The following RAPGEF1 variants were observed in gnomAD, a reference collection of about 807,000 sequenced individuals.
RAPGEF1 encodes Rap guanine nucleotide exchange factor 1, also known as CRK SH3-binding GNRP.
In RAPGEF1, 33 loss-of-function variants were observed where a neutral mutation model predicts 143.3. The observed-to-expected ratio is 0.23, with a 90% CI of 0.17 to 0.31. RAPGEF1 has a LOEUF of 0.31. Ranked by LOEUF, RAPGEF1 falls within the 10% of genes least tolerant of loss-of-function variation. The pLI, the probability that RAPGEF1 is intolerant of heterozygous loss-of-function variation, is 1.00. For missense variants in RAPGEF1, 1,199 were observed against 1,645.4 expected, an observed-to-expected ratio of 0.73 and a Z score of 4.69; for synonymous variants, 629 against 676.5, an observed-to-expected ratio of 0.93 and a Z score of 1.09.
At chr9:131,708,668 C>A (rs1275273715) in intron 1 of RAPGEF1, among the ~76,000 whole-genome samples, 12 of 152,032 alleles carry the variant, frequency 7.9e-5, no homozygotes, top group Admixed American at 5.2e-4. Flanking sequence ...TTATCTAAAT[C>A]AAAAAATATC....
chr9:131,646,055 G>C (rs1969512302), intron 3 of RAPGEF1, among the ~76,000 whole-genome samples: 1 of 152,210 alleles, frequency 6.6e-6, no homozygotes, highest in Non-Finnish European at 1.5e-5. Context: ...CCTAGGATGG[G>C]AACATCTGAA....
chr9:131,676,833 T>A (rs1832429288), intron 1 of RAPGEF1, among the ~76,000 whole-genome samples: 1 of 152,222 alleles, frequency 6.6e-6, no homozygotes, highest in Non-Finnish European at 1.5e-5. Context: ...GTTCTCAAAG[T>A]GTGGTCCTGA....
chr9:131,727,591 C>T (rs993726606), intron 1 of RAPGEF1, among the ~76,000 whole-genome samples: 5 of 152,154 alleles, frequency 3.3e-5, no homozygotes, highest in Admixed American at 1.3e-4. Flanking sequence ...ATGACTCACA[C>T]GCTCCCCATG....
Position 131,603,948 on chromosome 9 carries a change from C to A in RAPGEF1, c.2412+13G>T. 7.6e-7 allele frequency: 1 copy of A among 1,308,348 alleles called. No individual in the cohort carries two copies. Among genetic ancestry groups the A allele is most frequent in the South Asian group, 1.2e-5 (1 of 81,744 alleles). The allele number at this position is 1,308,348 out of a possible 1,614,324, so 81.0% of individuals were successfully genotyped here. On this transcript the variant is annotated intron_variant, in intron 14 of 26. Transcript: ENST00000683357. ...GCCAGGCCACATGCAGGAGGCCGCCCGAGGTTACTTACTCCTCGAGAGGGA... is the reference window on the plus strand; with the variant it reads ...GCCAGGCCACATGCAGGAGGCCGCCAGAGGTTACTTACTCCTCGAGAGGGA...
intron 10 of RAPGEF1, 78 bp downstream of exon 10, chr9:131,625,844 G>T: frequency 6.8e-7 from 1 of 1,481,080 alleles, no homozygotes; most frequent in South Asian, 1.4e-5. Context: ...TTTGATTCTG[G>T]TCTAATGCTG....
At chr9:131,687,713 G>A (rs12004624) in intron 1 of RAPGEF1, among the ~76,000 whole-genome samples, 5,436 of 152,196 alleles carry the variant, frequency 0.036, 213 homozygotes, top group East Asian at 0.09. Context: ...GTGCCAAGGA[G>A]GACAAGTTTA....
intron 5 of RAPGEF1, among the ~76,000 whole-genome samples, chr9:131,634,071 G>A (rs1965673759): frequency 6.6e-6 from 1 of 152,166 alleles, no homozygotes; most frequent in Non-Finnish European, 1.5e-5. Flanking sequence ...AAACCAGCCT[G>A]GGCAACATGG....
chr9:131,608,822 T>G (rs1282233930), intron 12 of RAPGEF1, among the ~76,000 whole-genome samples: 1 of 152,130 alleles, frequency 6.6e-6, no homozygotes, highest in East Asian at 1.9e-4. Flanking sequence ...GGCCCCCATC[T>G]CTACCGATTC....
At chr9:131,611,490 A>G (rs1012909098) in intron 12 of RAPGEF1, among the ~76,000 whole-genome samples, 3 of 152,220 alleles carry the variant, frequency 2.0e-5, no homozygotes, top group Non-Finnish European at 2.9e-5. Flanking sequence ...TCCACTGAAA[A>G]TACTACGTTT....
intron 15 of RAPGEF1, 114 bp from the exon 16 acceptor site, chr9:131,598,424 C>T: frequency 1.2e-6 from 1 of 809,220 alleles, no homozygotes; most frequent in Non-Finnish European, 2.1e-6. Flanking sequence ...AACATGCCTG[C>T]CCCGATGGCA....
Position 131,584,809 on chromosome 9 carries a change from C to T in RAPGEF1, c.3234-213G>A, listed in dbSNP as rs1299295308. On this transcript the variant is annotated intron_variant, in intron 22 of 26. Transcript: ENST00000683357. The surrounding 1 kb of genome is among the most constrained non-coding windows in gnomAD (Gnocchi z 6.8). ...ACAGAGGCACAAGGAAATCTGGTGA[C>T]AATAAATCTGGTGACCATAAGGAAA... Among the ~76,000 whole-genome samples the T allele has an allele frequency of 6.6e-6, 1 of 152,154 alleles. No homozygotes were observed. The highest frequency in any genetic ancestry group is 1.5e-5 in the Non-Finnish European group (1 of 68,024).
intron 1 of RAPGEF1, among the ~76,000 whole-genome samples, chr9:131,687,238 T>C (rs946934754): frequency 6.6e-6 from 1 of 152,224 alleles, no homozygotes; most frequent in African/African-American, 2.4e-5. Flanking sequence ...TCCTCCCCGC[T>C]TGAATGCAGC....
chr9:131,618,668 C>G (rs1438371476), intron 12 of RAPGEF1, among the ~76,000 whole-genome samples: 2 of 152,168 alleles, frequency 1.3e-5, no homozygotes, highest in East Asian at 3.9e-4. Flanking sequence ...CCTGTCTCAG[C>G]CTCCTGAGGA....
At chr9:131,617,098 C>T (rs1206683066) in intron 12 of RAPGEF1, among the ~76,000 whole-genome samples, 2 of 152,146 alleles carry the variant, frequency 1.3e-5, no homozygotes, top group Non-Finnish European at 2.9e-5. Context: ...AAAACGTCCT[C>T]GAATTTAATT....
intron 1 of RAPGEF1, among the ~76,000 whole-genome samples, chr9:131,656,788 A>G (rs1466604421): frequency 1.3e-5 from 2 of 152,216 alleles, no homozygotes; most frequent in Non-Finnish European, 2.9e-5. Context: ...ACTTCTGCCT[A>G]TGAGCTGTTG....
In RAPGEF1 at chr9:131,589,984, G is replaced by C. The variant is rs1482194359; in HGVS notation, c.2775-6C>G. 1.2e-6 allele frequency: 2 copies of C among 1,612,640 alleles called. No homozygotes were observed. On this transcript the variant is annotated splice_region_variant and splice_polypyrimidine_tract_variant and intron_variant, in intron 18 of 26. Coordinates refer to ENST00000683357, the MANE Select transcript of RAPGEF1 (RefSeq NM_001377935.1). Reference sequence around the variant, plus strand: ...AGGGAGAGAATTTCTCATATGTGGAGCACGGGTTAAAGAAATAGCCATGTG... The same window carrying C: ...AGGGAGAGAATTTCTCATATGTGGACCACGGGTTAAAGAAATAGCCATGTG...
chr9:131,650,182 C>A lies in RAPGEF1; in HGVS notation c.262G>T (p.Ala88Ser), dbSNP rs1350744044. The A allele has an allele frequency of 2.5e-6, 4 of 1,613,822 alleles. No homozygotes were observed. The South Asian group carries it at 3.3e-5, about 13-fold the overall frequency. ...YPLPLDLEQQ[A>S]VEFMSTSAVA... ...GCACTGGTGGACATAAATTCTACTG[C>A]CTGCTGCTCCAGATCCAAGGGGAGA... Residue 88 changes from alanine (A) to serine (S), a missense_variant, in exon 3 of 27, where the codon GCA (alanine) becomes TCA (serine). Physicochemically the swap from Ala to Ser is moderately conservative, Grantham distance 99. Around this residue, in one of 6 missense-constraint regions of RAPGEF1, gnomAD observed 613 missense variants for 710.9 expected, o/e 0.86. Transcript: ENST00000683357. The surrounding 1 kb of genome is among the most constrained non-coding windows in gnomAD (Gnocchi z 4.7).
chr9:131,587,849 C>A lies in RAPGEF1; in HGVS notation c.3139-19G>T. ...CAGGAATCTACAAAAGGAAAGAAGG[C>A]AGATGGAGGTGGAGCCCCGGCTTTC... On this transcript the variant is annotated intron_variant, in intron 21 of 26. Transcript: ENST00000683357. The A allele has an allele frequency of 1.2e-6, 2 of 1,610,996 alleles. No homozygotes were observed. The highest frequency in any genetic ancestry group is 1.7e-6 in the Non-Finnish European group (2 of 1,178,336).
chr9:131,700,744 AAGG>A (rs1357711043), intron 1 of RAPGEF1, among the ~76,000 whole-genome samples: 4 of 152,160 alleles, frequency 2.6e-5, no homozygotes, highest in Non-Finnish European at 4.4e-5. Flanking sequence ...TGAGAAGAAG[AAGG>A]AGGTCTCCAT....
Sources: gnomAD v4.1 joint callset for allele counts (sites outside exome capture counted in the v4.1 genomes callset) on GRCh38, gnomAD v4.1.1 for gene constraint, gnomAD v4.1.1 regional missense constraint, Gnocchi (gnomAD v3.1) non-coding constraint, MANE v1.5 for transcripts, NCBI Gene and HGNC (gene_info 2026-07-23, HGNC 2026-07-21) for gene names.